Variants in AMPD3 observed in about 807,000 individuals in gnomAD.
AMPD3 encodes adenosine monophosphate deaminase 3.
A neutral mutation model predicts 82.3 loss-of-function variants in AMPD3; 57 were observed. The ratio of observed to expected loss-of-function variants is 0.69; its 90% CI spans 0.56 to 0.86. AMPD3 has a LOEUF of 0.86. AMPD3 is among the 40% of genes least tolerant of loss of function. The probability of loss-of-function intolerance (pLI) is 0.00; values close to 1 mark genes in which losing one functional copy is unlikely to be tolerated. For synonymous variants in AMPD3, 381 were observed against 394.7 expected (o/e 0.97, Z 0.41); for missense variants, 870 against 1,003.8 (o/e 0.87, Z 1.80).
In AMPD3 at chr11:10,472,078, A is replaced by G. The variant is rs376342269; in HGVS notation, c.222-6448A>G. Among the ~76,000 whole-genome samples the G allele has an allele frequency of 5.9e-5, 9 of 152,356 alleles. No homozygotes were observed. In the East Asian group the frequency reaches 1.5e-3, roughly 26 times the overall value. On this transcript the variant is annotated intron_variant, in intron 2 of 14. Coordinates refer to ENST00000396553, the MANE Select transcript of AMPD3 (RefSeq NM_001025389.2). Reference sequence around the variant, plus strand: ...ATCAATGATAGACTGGATAAAGAAAATATGGCACATATACACCATGGAATA... The same window carrying G: ...ATCAATGATAGACTGGATAAAGAAAGTATGGCACATATACACCATGGAATA...
At chr11:10,487,718 C>T (rs1239025866) in intron 6 of AMPD3, among the ~76,000 whole-genome samples, 3 of 152,160 alleles carry the variant, frequency 2.0e-5, no homozygotes, top group Non-Finnish European at 4.4e-5. Context: ...TTAGAGTCAT[C>T]AAAGAAAGAC....
chr11:10,489,220 C>T (rs1849169699), intron 6 of AMPD3, among the ~76,000 whole-genome samples: 1 of 152,322 alleles, frequency 6.6e-6, no homozygotes, highest in South Asian at 2.1e-4. Flanking sequence ...CCTCTCAGCC[C>T]TGCCCAAAGA....
At chr11:10,479,873 C>T (rs534603996) in intron 3 of AMPD3, 883 of 984,214 alleles carry the variant, frequency 9.0e-4, no homozygotes, top group Non-Finnish European at 1.0e-3. Flanking sequence ...TAATTAAGTT[C>T]CCATGGATGG....
At chr11:10,505,198 A>C in intron 14 of AMPD3, 1 of 985,396 alleles carries the variant, frequency 1.0e-6, no homozygotes, top group South Asian at 4.7e-5. Context: ...CCATGTTCTG[A>C]TGTACGTTAG....
intron 1 of AMPD3, among the ~76,000 whole-genome samples, chr11:10,458,315 TC>T (rs1334398835): frequency 7.7e-5 from 11 of 142,686 alleles, no homozygotes; most frequent in Non-Finnish European, 1.2e-4. Flanking sequence ...CTCCCTCCCT[TC>T]GGCAATTAAG....
chr11:10,459,545 C>T (rs1276339066), intron 1 of AMPD3, among the ~76,000 whole-genome samples: 1 of 152,202 alleles, frequency 6.6e-6, no homozygotes, highest in East Asian at 1.9e-4. Context: ...TGGACAGCAG[C>T]AGGGCTCTGT....
At chr11:10,493,986 T>C (rs1199126654) in intron 7 of AMPD3, among the ~76,000 whole-genome samples, 1 of 152,258 alleles carries the variant, frequency 6.6e-6, no homozygotes, top group Non-Finnish European at 1.5e-5. Context: ...TCTAGGTATA[T>C]ACCCAAAAGA....
At chr11:10,467,755 G>T (rs1848462876) in intron 2 of AMPD3, among the ~76,000 whole-genome samples, 2 of 152,118 alleles carry the variant, frequency 1.3e-5, no homozygotes, top group African/African-American at 4.8e-5. Flanking sequence ...AAATGTTAAG[G>T]GCAGCCAGAG....
In AMPD3 at chr11:10,506,581, G is replaced by A. The variant is rs1337895549; in HGVS notation, c.*697G>A. On this transcript the variant is annotated 3_prime_UTR_variant, in exon 15 of 15. Transcript: ENST00000396553. The surrounding 1 kb of genome is among the most constrained non-coding windows in gnomAD (Gnocchi z 4.1). Reference sequence around the variant, plus strand: ...CTCCTCATGAATACTTTAGGGTAGGGGAGGGAAGGGAGTGAGTGATGCTCA... The same window carrying A: ...CTCCTCATGAATACTTTAGGGTAGGAGAGGGAAGGGAGTGAGTGATGCTCA... 6.5e-6 allele frequency: 1 copy of A among 153,330 alleles called. No individual in the cohort carries two copies. Among genetic ancestry groups the A allele is most frequent in the Non-Finnish European group, 1.5e-5 (1 of 68,606 alleles). The allele number at this position is 153,330 out of a possible 1,614,324, so 9.5% of individuals were successfully genotyped here. A position where few individuals can be genotyped will look rare whatever the true frequency, so the allele number is the denominator to read the frequency against.
intron 9 of AMPD3, 44 bp downstream of exon 9, chr11:10,495,777 G>A: frequency 6.2e-7 from 1 of 1,611,028 alleles, no homozygotes; most frequent in Non-Finnish European, 8.5e-7. Context: ...CTACAGAGGT[G>A]ACAATCTGTC....
At chr11:10,497,462 G>A (rs924683418) in intron 10 of AMPD3, 24 of 473,134 alleles carry the variant, frequency 5.1e-5, no homozygotes, top group Non-Finnish European at 6.4e-5. Flanking sequence ...GGAGGGAGGC[G>A]GAGGGGGCGG....
At chr11:10,481,058 G>C (rs1011051258) in intron 3 of AMPD3, among the ~76,000 whole-genome samples, 2 of 152,224 alleles carry the variant, frequency 1.3e-5, no homozygotes, top group African/African-American at 2.4e-5. Context: ...AATCAGGTTA[G>C]AGTCTGAAAT....
intron 2 of AMPD3, chr11:10,477,998 C>A: frequency 1.0e-6 from 1 of 985,408 alleles, no homozygotes; most frequent in Non-Finnish European, 1.2e-6. Flanking sequence ...CATTGAGCAT[C>A]CCTCTCTCTT....
intron 9 of AMPD3, chr11:10,496,428 G>C: frequency 1.0e-6 from 1 of 985,430 alleles, no homozygotes; most frequent in Non-Finnish European, 1.2e-6. Context: ...CCAGGGTGGA[G>C]CCCATGGCTC....
At chr11:10,475,119 T>C (rs898595858) in intron 2 of AMPD3, among the ~76,000 whole-genome samples, 3 of 152,206 alleles carry the variant, frequency 2.0e-5, no homozygotes, top group African/African-American at 7.2e-5. Flanking sequence ...CATCTGCTTC[T>C]GAGGAAGCCT....
At position 10,504,736 on chromosome 11, in the gene AMPD3, G is replaced by T. The variant is rs1484895611; in HGVS notation, c.2127+77G>T. Reference sequence around the variant, plus strand: ...GTGTGCCAGGAGCCTTCCAGGCACTGGGGATCTGTGATGAACATAGCAGGC... The same window carrying T: ...GTGTGCCAGGAGCCTTCCAGGCACTTGGGATCTGTGATGAACATAGCAGGC... On this transcript the variant is annotated intron_variant, in intron 14 of 14. Transcript: ENST00000396553. 4 of 1,330,818 alleles carry T rather than the reference G, an allele frequency of 3.0e-6. No individual in the cohort carries two copies. The African/African-American group carries it at 4.3e-5, about 14-fold the overall frequency. 82.4% of individuals were successfully genotyped at this position (1,330,818 alleles called of 1,614,324 possible).
intron 3 of AMPD3, chr11:10,481,720 C>T (rs375970629): frequency 6.2e-6 from 1 of 160,788 alleles, no homozygotes; most frequent in South Asian, 2.0e-4. Flanking sequence ...CAAATACCTC[C>T]AGCATCACAT....
chr11:10,489,378 G>A (rs1341898213), intron 6 of AMPD3, among the ~76,000 whole-genome samples: 1 of 152,204 alleles, frequency 6.6e-6, no homozygotes, highest in Non-Finnish European at 1.5e-5. Flanking sequence ...GGCTGTGCTG[G>A]CACTGACACT....
At chr11:10,503,932 C>T (rs942663332) in intron 13 of AMPD3, 11 of 985,104 alleles carry the variant, frequency 1.1e-5, no homozygotes, top group African/African-American at 1.7e-5. Flanking sequence ...TAGGCTACAG[C>T]GGCAGTGGGG....
Sources: gnomAD v4.1 joint callset for allele counts (sites outside exome capture counted in the v4.1 genomes callset) on GRCh38, gnomAD v4.1.1 for gene constraint, Gnocchi (gnomAD v3.1) non-coding constraint, MANE v1.5 for transcripts, NCBI Gene and HGNC (gene_info 2026-07-23, HGNC 2026-07-21) for gene names.